HCN1: variants seen among roughly 807,000 people sequenced by gnomAD.
The protein encoded by HCN1 is hyperpolarization activated cyclic nucleotide gated potassium channel 1.
Under a neutral mutation model 78.9 loss-of-function variants are expected in HCN1, and 13 were observed. The observed-to-expected ratio is 0.16, with a 90% confidence interval of 0.11 to 0.26. HCN1 has a LOEUF of 0.26. HCN1 is among the 10% of genes least tolerant of loss of function. HCN1 has a pLI of 1.00. For synonymous variants in HCN1, 552 were observed against 455.5 expected, an observed-to-expected ratio of 1.21 and a Z score of -2.70; for missense variants, 810 against 1,154.3, an observed-to-expected ratio of 0.70 and a Z score of 4.32.
At chr5:45,457,826 C>A (rs1197342410) in intron 3 of HCN1, among the ~76,000 whole-genome samples, 1 of 152,010 alleles carries the variant, frequency 6.6e-6, no homozygotes, top group Non-Finnish European at 1.5e-5. Flanking sequence ...ATAACTAACC[C>A]CCTTCTCCAA....
chr5:45,495,971 A>C (rs2111715197), intron 2 of HCN1, among the ~76,000 whole-genome samples: 1 of 152,328 alleles, frequency 6.6e-6, no homozygotes, highest in Non-Finnish European at 1.5e-5. Flanking sequence ...ATGGTGGATA[A>C]GCTTTTTGAT....
At chr5:45,460,016 G>C (rs1465626899) in intron 3 of HCN1, among the ~76,000 whole-genome samples, 1 of 152,026 alleles carries the variant, frequency 6.6e-6, no homozygotes, top group Non-Finnish European at 1.5e-5. Context: ...TTGTTCTTTA[G>C]TTATCGAAAC....
intron 2 of HCN1, among the ~76,000 whole-genome samples, chr5:45,600,021 G>A (rs1055469917): frequency 6.6e-6 from 1 of 152,024 alleles, no homozygotes; most frequent in Admixed American, 6.6e-5. Context: ...GTTTCAGCAG[G>A]CTAAAGACTA....
chr5:45,668,066 G>A (rs1448227956), intron 1 of HCN1, among the ~76,000 whole-genome samples: 1 of 151,954 alleles, frequency 6.6e-6, no homozygotes, highest in African/African-American at 2.4e-5. Context: ...GTAATGTCAT[G>A]CATCAGATTT....
intron 3 of HCN1, among the ~76,000 whole-genome samples, chr5:45,429,722 C>G (rs1019525840): frequency 6.6e-6 from 1 of 152,018 alleles, no homozygotes; most frequent in Non-Finnish European, 1.5e-5. Context: ...GAGTGAGTGG[C>G]TGTGGTAGGC....
intron 2 of HCN1, among the ~76,000 whole-genome samples, chr5:45,552,002 T>C (rs1273356035): frequency 6.6e-6 from 1 of 151,930 alleles, no homozygotes; most frequent in Non-Finnish European, 1.5e-5. Flanking sequence ...TGACCATTAA[T>C]TGTCCACTCT....
chr5:45,646,155 G>A (rs572483276), intron 1 of HCN1, among the ~76,000 whole-genome samples: 1 of 152,146 alleles, frequency 6.6e-6, no homozygotes, highest in South Asian at 2.1e-4. Context: ...ATACACTGGA[G>A]TTTTGCAGTA....
rs1292914041 is a variant in HCN1 at position 45,259,993 on chromosome 5, A to G, written c.*1928T>C. On this transcript the variant is annotated 3_prime_UTR_variant, in exon 8 of 8. Coordinates refer to ENST00000303230, the MANE Select transcript of HCN1 (RefSeq NM_021072.4). ...TCACCAGCATATTGATGATTACATT[A>G]CATCGACTAGCAGTTAATTACTTCC... is the stretch of plus-strand genomic sequence containing the variant. 1 of 152,652 alleles carries G rather than the reference A, an allele frequency of 6.6e-6. No homozygotes were observed. Among genetic ancestry groups the G allele is most frequent in the Admixed American group, 6.5e-5 (1 of 15,272 alleles). The allele number at this position is 152,652 out of a possible 1,614,324, so 9.5% of individuals were successfully genotyped here. A position where few individuals can be genotyped will look rare whatever the true frequency, so the allele number is the denominator to read the frequency against.
intron 5 of HCN1, among the ~76,000 whole-genome samples, chr5:45,350,670 A>G (rs1247255574): frequency 6.6e-6 from 1 of 151,124 alleles, no homozygotes; most frequent in African/African-American, 2.4e-5. Flanking sequence ...AAGCAACTTC[A>G]GCAAAGTCTC....
intron 2 of HCN1, among the ~76,000 whole-genome samples, chr5:45,564,248 G>A (rs1743662790): frequency 6.6e-6 from 1 of 151,672 alleles, no homozygotes. Context: ...TTAAATGTGG[G>A]TGAACCTTTA....
In HCN1 at chr5:45,262,303, T is replaced by C; in HGVS notation, c.2291A>G (p.Lys764Arg). ...QPQTPGSSTP[K>R]NEVHKSTQAL... Reference sequence around the variant, plus strand: ...CTGCGTGCTCTTGTGCACTTCATTTTTCGGCGTGGAGCTGCCAGGTGTCTG... The same window carrying C: ...CTGCGTGCTCTTGTGCACTTCATTTCTCGGCGTGGAGCTGCCAGGTGTCTG... The change falls in exon 8 of 8, where the codon AAA becomes AGA. Residue 764 changes from lysine (K) to arginine (R), a missense_variant. Around this residue, in one of 6 missense-constraint regions of HCN1, gnomAD observed 398 missense variants for 381.3 expected, o/e 1.04. Coordinates refer to ENST00000303230, the MANE Select transcript of HCN1 (RefSeq NM_021072.4). 6.2e-7 allele frequency: 1 copy of C among 1,613,984 alleles called. No individual in the cohort carries two copies. The highest frequency in any genetic ancestry group is 8.5e-7 in the Non-Finnish European group (1 of 1,180,026).
intron 4 of HCN1, among the ~76,000 whole-genome samples, chr5:45,393,309 A>G (rs528809412): frequency 3.3e-5 from 5 of 152,158 alleles, no homozygotes; most frequent in East Asian, 1.9e-4. Context: ...TTCTATTACT[A>G]TAGTTATTTG....
chr5:45,595,323 AT>A (rs1744466969), intron 2 of HCN1, among the ~76,000 whole-genome samples: 1 of 152,142 alleles, frequency 6.6e-6, no homozygotes, highest in Admixed American at 6.5e-5. Context: ...CAAATTAAGA[AT>A]TTGATGCTCA....
At chr5:45,590,425 G>T (rs139560801) in intron 2 of HCN1, among the ~76,000 whole-genome samples, 81 of 152,284 alleles carry the variant, frequency 5.3e-4, no homozygotes, top group African/African-American at 1.6e-3. Context: ...TGGAATGTTT[G>T]TGAGGTTATC....
chr5:45,282,948 C>A (rs991506627), intron 6 of HCN1, among the ~76,000 whole-genome samples: 1 of 152,062 alleles, frequency 6.6e-6, no homozygotes, highest in Non-Finnish European at 1.5e-5. Context: ...AATGTGTAAT[C>A]TTTTAAATCA....
chr5:45,532,275 T>C (rs1265335135), intron 2 of HCN1, among the ~76,000 whole-genome samples: 1 of 152,232 alleles, frequency 6.6e-6, no homozygotes, highest in African/African-American at 2.4e-5. Flanking sequence ...ATTGTGGTCA[T>C]GCTCTATAGC....
At chr5:45,497,660 C>T (rs74946278) in intron 2 of HCN1, among the ~76,000 whole-genome samples, 12 of 152,118 alleles carry the variant, frequency 7.9e-5, no homozygotes, top group Admixed American at 2.0e-4. Context: ...TTATCCAATT[C>T]GCCAGTCTGT....
In HCN1 at chr5:45,597,673, T is replaced by C. The variant is rs546482216; in HGVS notation, c.849+47512A>G. 1.1e-4 allele frequency among the ~76,000 whole-genome samples: 17 copies of C among 152,268 alleles called. No homozygotes were observed. In the South Asian group the frequency reaches 2.7e-3, roughly 24 times the overall value. ...ATGACCGTATATTTAGAAAACTCCG[T>C]CATCTCAGCCCAAAACCTCCTTAGG... is the stretch of plus-strand genomic sequence containing the variant. On this transcript the variant is annotated intron_variant, in intron 2 of 7. Transcript: ENST00000303230.
intron 4 of HCN1, among the ~76,000 whole-genome samples, chr5:45,370,819 A>AT (rs1375377322): frequency 1.3e-5 from 2 of 152,080 alleles, no homozygotes; most frequent in Non-Finnish European, 2.9e-5. Flanking sequence ...AAAGATAAAT[A>AT]TTTTTTATGT....
Sources: allele counts gnomAD v4.1 joint callset (sites outside exome capture counted in the v4.1 genomes callset), GRCh38; gene constraint gnomAD v4.1.1; regional missense constraint gnomAD v4.1.1; transcripts MANE v1.5; gene names NCBI Gene and HGNC (gene_info 2026-07-23, HGNC 2026-07-21).